Variants in TANC2 observed in about 807,000 individuals in gnomAD.
TANC2 encodes tetratricopeptide repeat, ankyrin repeat and coiled-coil containing 2, also known as protein TANC2.
A neutral mutation model predicts 210.5 loss-of-function variants in TANC2; 26 were observed. That is an observed-to-expected ratio of 0.12 (90% CI 0.09 to 0.17). TANC2 has a LOEUF of 0.17. Among genes scored for constraint, TANC2 ranks in the 10% least tolerant of loss-of-function variants. TANC2 has a pLI of 1.00. For missense variants in TANC2, 2,129 were observed against 2,608.9 expected, an observed-to-expected ratio of 0.82 and a Z score of 4.01; for synonymous variants, 931 against 967.1, an observed-to-expected ratio of 0.96 and a Z score of 0.69.
At chr17:63,036,154 A>G (rs1487188897) in intron 2 of TANC2, among the ~76,000 whole-genome samples, 2 of 136,164 alleles carry the variant, frequency 1.5e-5, no homozygotes, top group South Asian at 4.6e-4. Context: ...GATAAAGTTC[A>G]TTTTTCTTTT....
At chr17:63,202,726 C>T (rs2041576146) in intron 7 of TANC2, among the ~76,000 whole-genome samples, 1 of 152,150 alleles carries the variant, frequency 6.6e-6, no homozygotes, top group South Asian at 2.1e-4. Context: ...TCAGTATATA[C>T]AGATTGGTCT....
intron 11 of TANC2, chr17:63,332,029 GT>G: frequency 7.2e-6 from 2 of 275,940 alleles, no homozygotes; most frequent in South Asian, 4.7e-5. Context: ...ACCTCTGGCT[GT>G]TTTTTCTGAA....
Position 63,412,825 on chromosome 17 carries a change from C to T in TANC2, c.3928+116C>T. ...ACACCTCTAATCTTTTAATTTACTT[C>T]ACCTTAAAAGAAGATTTTTTTTAAT... is the stretch of plus-strand genomic sequence containing the variant. On this transcript the variant is annotated intron_variant, in intron 24 of 27. Coordinates refer to ENST00000689528, the Ensembl canonical transcript of TANC2. The surrounding 1 kb of genome is among the most constrained non-coding windows in gnomAD (Gnocchi z 4.2). 7.8e-7 allele frequency: 1 copy of T among 1,281,924 alleles called. No homozygotes were observed. Among genetic ancestry groups the T allele is most frequent in the Non-Finnish European group, 1.1e-6 (1 of 951,108 alleles). 79.4% of individuals were successfully genotyped at this position (1,281,924 alleles called of 1,614,324 possible).
At chr17:63,222,855 C>T (rs1298099629) in intron 7 of TANC2, among the ~76,000 whole-genome samples, 23 of 152,138 alleles carry the variant, frequency 1.5e-4, no homozygotes, top group Admixed American at 1.5e-3. Flanking sequence ...CAGCAGTATT[C>T]ACAGTAGCCA....
At chr17:63,201,628 T>A (rs1034347355) in intron 7 of TANC2, among the ~76,000 whole-genome samples, 1 of 151,920 alleles carries the variant, frequency 6.6e-6, no homozygotes, top group East Asian at 1.9e-4. Context: ...ATACCTTTTT[T>A]TTTTTTTTTT....
chr17:63,346,215 A>G (rs551322762), intron 12 of TANC2, among the ~76,000 whole-genome samples: 35 of 152,254 alleles, frequency 2.3e-4, no homozygotes, highest in Non-Finnish European at 4.3e-4. Context: ...GAATAGGTAA[A>G]GATTTCTTAA....
chr17:63,056,078 G>A (rs2035796203), intron 2 of TANC2, among the ~76,000 whole-genome samples: 1 of 134,912 alleles, frequency 7.4e-6, no homozygotes, highest in South Asian at 2.5e-4. Context: ...GGCTGAGGTA[G>A]GAGGATCACA....
At chr17:63,314,928 T>C (rs1379208538) in intron 10 of TANC2, among the ~76,000 whole-genome samples, 1 of 152,186 alleles carries the variant, frequency 6.6e-6, no homozygotes, top group Non-Finnish European at 1.5e-5. Context: ...GGCTGTGTGG[T>C]TGGACTGTCC....
intron 8 of TANC2, among the ~76,000 whole-genome samples, chr17:63,243,612 T>C (rs970545435): frequency 6.6e-6 from 1 of 152,176 alleles, no homozygotes. Flanking sequence ...TACATTGATA[T>C]AAAGTTCATA....
At chr17:63,161,286 C>G (rs1350463628) in intron 5 of TANC2, among the ~76,000 whole-genome samples, 1 of 152,082 alleles carries the variant, frequency 6.6e-6, no homozygotes, top group Non-Finnish European at 1.5e-5. Context: ...CGCTTGAACC[C>G]AGGAGACAGA....
chr17:63,143,994 A>C (rs558691841), intron 4 of TANC2, among the ~76,000 whole-genome samples: 1 of 152,178 alleles, frequency 6.6e-6, no homozygotes, highest in African/African-American at 2.4e-5. Flanking sequence ...CTTTAAAAAA[A>C]AGAAAAAATT....
chr17:63,087,371 A>C (rs1313320540), intron 3 of TANC2, among the ~76,000 whole-genome samples: 1 of 152,144 alleles, frequency 6.6e-6, no homozygotes, highest in South Asian at 2.1e-4. Flanking sequence ...TCTTTTGGTG[A>C]GCCTGTGCCC....
chr17:63,257,092 G>A (rs1255252690), intron 8 of TANC2, among the ~76,000 whole-genome samples: 8 of 129,432 alleles, frequency 6.2e-5, no homozygotes, highest in African/African-American at 3.0e-4. Flanking sequence ...TTTTTTTTTG[G>A]TCCATTCAGC....
intron 8 of TANC2, among the ~76,000 whole-genome samples, chr17:63,257,364 G>GT (rs1182823654): frequency 6.6e-6 from 1 of 151,928 alleles, no homozygotes; most frequent in Non-Finnish European, 1.5e-5. Flanking sequence ...TCTGGTTTCG[G>GT]TTTTTGTTTT....
intron 19 of TANC2, 63 bp downstream of exon 19, chr17:63,398,977 C>A: frequency 8.1e-7 from 1 of 1,241,956 alleles, no homozygotes; most frequent in Non-Finnish European, 1.1e-6. Flanking sequence ...CGAATCTCAC[C>A]CCCTTATTTT....
Position 63,412,749 on chromosome 17 carries a change from G to A in TANC2, c.3928+40G>A. On this transcript the variant is annotated intron_variant, in intron 24 of 27. Transcript: ENST00000689528. The surrounding 1 kb of genome is among the most constrained non-coding windows in gnomAD (Gnocchi z 4.2). ...TGTCAGCATCAGGCGTGGTCTGATG[G>A]CTTGGTCAGCTTTGCCTTCTCCTCT... 6.5e-7 allele frequency: 1 copy of A among 1,534,188 alleles called. No individual in the cohort carries two copies. Among genetic ancestry groups the A allele is most frequent in the African/African-American group, 1.4e-5 (1 of 72,890 alleles).
chr17:63,025,842 T>TA (rs974157051), intron 2 of TANC2, among the ~76,000 whole-genome samples: 1 of 149,908 alleles, frequency 6.7e-6, no homozygotes, highest in Admixed American at 6.6e-5. Context: ...TAAAATAAAA[T>TA]AAAATAAAAT....
intron 4 of TANC2, among the ~76,000 whole-genome samples, chr17:63,140,116 TAGA>T (rs1384597938): frequency 6.6e-6 from 1 of 152,186 alleles, no homozygotes; most frequent in African/African-American, 2.4e-5. Flanking sequence ...TGAACATAAC[TAGA>T]AGATTAACTA....
chr17:63,312,219 T>G (rs1190691606), intron 9 of TANC2, among the ~76,000 whole-genome samples: 1 of 152,186 alleles, frequency 6.6e-6, no homozygotes, highest in Non-Finnish European at 1.5e-5. Context: ...GGTATGGATT[T>G]TAAAAGAGTA....
Sources: allele counts gnomAD v4.1 joint callset (sites outside exome capture counted in the v4.1 genomes callset), GRCh38; gene constraint gnomAD v4.1.1; non-coding constraint Gnocchi (gnomAD v3.1); transcripts MANE v1.5; gene names NCBI Gene and HGNC (gene_info 2026-07-23, HGNC 2026-07-21).